Variants in TENM2 observed in about 807,000 individuals in gnomAD.
TENM2 encodes the protein teneurin transmembrane protein 2.
In TENM2, 52 loss-of-function variants were observed where a neutral mutation model predicts 245.2. That is an observed-to-expected ratio of 0.21 (90% CI 0.17 to 0.27). TENM2 has a LOEUF of 0.27. Among genes scored for constraint, TENM2 ranks in the 10% least tolerant of loss-of-function variants. The probability of loss-of-function intolerance (pLI) is 1.00; values close to 1 mark genes in which losing one functional copy is unlikely to be tolerated. For missense variants in TENM2, 3,046 were observed against 3,666.8 expected (o/e 0.83, Z 4.37); for synonymous variants, 1,363 against 1,438.9 (o/e 0.95, Z 1.19).
the TENM2 span, among the ~76,000 whole-genome samples, chr5:167,024,375 A>G: frequency 2.0e-5 from 3 of 152,246 alleles, no homozygotes; most frequent in African/African-American, 4.8e-5. Context: ...CACTGGAGAC[A>G]GAACAGTGAG....
intron 2 of TENM2, among the ~76,000 whole-genome samples, chr5:167,649,784 A>C (rs1223783815): frequency 3.3e-5 from 5 of 152,172 alleles, no homozygotes; most frequent in African/African-American, 1.2e-4. Flanking sequence ...TGATCCTCTT[A>C]TATGTGAATC....
intron 1 of TENM2, among the ~76,000 whole-genome samples, chr5:167,320,143 A>G (rs1756621054): frequency 6.6e-6 from 1 of 152,206 alleles, no homozygotes; most frequent in African/African-American, 2.4e-5. Context: ...ATAAGAAACA[A>G]GTCCTCATTC....
chr5:167,523,400 T>C (rs1770894947), intron 2 of TENM2, among the ~76,000 whole-genome samples: 1 of 152,156 alleles, frequency 6.6e-6, no homozygotes, highest in African/African-American at 2.4e-5. Context: ...CTCCGTGTTG[T>C]AGGATCTTCC....
chr5:167,705,625 C>T (rs1758452560), intron 2 of TENM2, among the ~76,000 whole-genome samples: 1 of 152,128 alleles, frequency 6.6e-6, no homozygotes, highest in African/African-American at 2.4e-5. Context: ...ATTAGAGTTA[C>T]ATCCTGTTCA....
Position 168,219,007 on chromosome 5 carries a change from G to C in TENM2, c.5108+8G>C. The C allele has an allele frequency of 6.2e-7, 1 of 1,608,352 alleles. No homozygotes were observed. The highest frequency in any genetic ancestry group is 8.5e-7 in the Non-Finnish European group (1 of 1,176,282). On this transcript the variant is annotated splice_region_variant and intron_variant, in intron 23 of 28. Transcript: ENST00000518659. ...ATGGACGACTTTCTATGAGTAAGTG[G>C]GTTTGTAAAGCATCTCTGAAGAGCC...
At chr5:167,064,553 C>A in the TENM2 span, among the ~76,000 whole-genome samples, 2 of 151,608 alleles carry the variant, frequency 1.3e-5, no homozygotes, top group Admixed American at 6.6e-5. Flanking sequence ...TTCTTTTGTT[C>A]CTCATATAAT....
chr5:167,608,717 C>G (rs1777235092), intron 2 of TENM2, among the ~76,000 whole-genome samples: 1 of 152,134 alleles, frequency 6.6e-6, no homozygotes, highest in Admixed American at 6.5e-5. Flanking sequence ...TCGTGTCTCA[C>G]AGGAGCCTAC....
chr5:167,023,437 A>T, the TENM2 span, among the ~76,000 whole-genome samples: 1 of 152,236 alleles, frequency 6.6e-6, no homozygotes, highest in Non-Finnish European at 1.5e-5. Context: ...GACACAAACC[A>T]TCAGAGGGTT....
intron 5 of TENM2, among the ~76,000 whole-genome samples, chr5:168,043,047 C>A (rs1317952234): frequency 6.6e-6 from 1 of 152,134 alleles, no homozygotes; most frequent in African/African-American, 2.4e-5. Context: ...GAGGGCCTCC[C>A]AAACTCATTT....
chr5:168,132,290 A>G (rs1377340254), intron 12 of TENM2, among the ~76,000 whole-genome samples: 1 of 152,238 alleles, frequency 6.6e-6, no homozygotes, highest in Non-Finnish European at 1.5e-5. Flanking sequence ...CTAGACGTTG[A>G]AGGGCTTTCA....
At chr5:167,261,597 T>C in the TENM2 span, among the ~76,000 whole-genome samples, 1 of 152,134 alleles carries the variant, frequency 6.6e-6, no homozygotes, top group African/African-American at 2.4e-5. Context: ...GAAAGTAGTT[T>C]TCCTGGGTGG....
chr5:168,035,935 C>G (rs1581124836), intron 5 of TENM2, among the ~76,000 whole-genome samples: 1 of 152,122 alleles, frequency 6.6e-6, no homozygotes, highest in Admixed American at 6.5e-5. Flanking sequence ...TCAAATAAGA[C>G]TAGTAGGAGA....
chr5:167,300,069 C>T (rs186381807), intron 1 of TENM2, among the ~76,000 whole-genome samples: 131 of 152,278 alleles, frequency 8.6e-4, no homozygotes, highest in African/African-American at 3.0e-3. Flanking sequence ...GACAGAAAGG[C>T]TATCGGGTGC....
intron 13 of TENM2, among the ~76,000 whole-genome samples, chr5:168,163,549 ACCATC>A (rs1402594936): frequency 6.6e-6 from 1 of 152,164 alleles, no homozygotes; most frequent in Admixed American, 6.5e-5. Context: ...GGCCATCACC[ACCATC>A]AAGGCCATAA....
At chr5:167,865,090 A>T (rs139062504) in intron 2 of TENM2, among the ~76,000 whole-genome samples, 1 of 152,332 alleles carries the variant, frequency 6.6e-6, no homozygotes, top group East Asian at 1.9e-4. Context: ...GCAAGAAAAC[A>T]GCTCAATGTA....
intron 25 of TENM2, among the ~76,000 whole-genome samples, chr5:168,235,059 AAC>A (rs991892382): frequency 1.3e-5 from 2 of 152,180 alleles, no homozygotes; most frequent in Non-Finnish European, 2.9e-5. Flanking sequence ...TGTGCATGTG[AAC>A]ACACACACAT....
At chr5:167,732,749 A>C (rs761181273) in intron 2 of TENM2, among the ~76,000 whole-genome samples, 3 of 152,192 alleles carry the variant, frequency 2.0e-5, no homozygotes, top group Admixed American at 1.3e-4. Context: ...TTATTCCATC[A>C]TTGAATGGGG....
intron 13 of TENM2, among the ~76,000 whole-genome samples, chr5:168,184,786 A>G (rs551440260): frequency 1.3e-5 from 2 of 152,270 alleles, no homozygotes; most frequent in East Asian, 3.9e-4. Flanking sequence ...TTTACTAGTA[A>G]GCGTTTAATG....
chr5:168,161,456 G>T lies in TENM2; in HGVS notation c.2423-1155G>T, dbSNP rs191195091. On this transcript the variant is annotated intron_variant, in intron 12 of 28. Transcript: ENST00000518659. ...CTCTGCAAATTTACTAGAAGTCATC[G>T]CATTGTACACTTAAAACAGGTGAAT... is the stretch of plus-strand genomic sequence containing the variant. 5.9e-5 allele frequency among the ~76,000 whole-genome samples: 9 copies of T among 152,174 alleles called. No individual in the cohort carries two copies. The East Asian group carries it at 1.7e-3, about 29-fold the overall frequency.
Sources: allele counts gnomAD v4.1 joint callset (sites outside exome capture counted in the v4.1 genomes callset), GRCh38; gene constraint gnomAD v4.1.1; transcripts MANE v1.5; gene names NCBI Gene and HGNC (gene_info 2026-07-23, HGNC 2026-07-21).